The following ADAM10 variants were observed in gnomAD, a reference collection of about 807,000 sequenced individuals.
ADAM10 encodes ADAM metallopeptidase domain 10.
A neutral mutation model predicts 90.1 loss-of-function variants in ADAM10; 17 were observed. The observed-to-expected ratio is 0.19, with a 90% CI of 0.13 to 0.28. The LOEUF is 0.28. ADAM10 is among the 10% of genes least tolerant of loss of function. The probability of loss-of-function intolerance (pLI) is 1.00; values close to 1 mark genes in which losing one functional copy is unlikely to be tolerated. For missense variants in ADAM10, 610 were observed against 914.3 expected (o/e 0.67, Z 4.29); for synonymous variants, 310 against 298.6 (o/e 1.04, Z -0.40).
At chr15:58,740,898 T>C (rs752339860) in intron 1 of ADAM10, among the ~76,000 whole-genome samples, 1 of 152,222 alleles carries the variant, frequency 6.6e-6, no homozygotes, top group Non-Finnish European at 1.5e-5. Flanking sequence ...CTACTAAAAA[T>C]AGATTTTATC....
intron 2 of ADAM10, among the ~76,000 whole-genome samples, chr15:58,688,786 A>ATATATATATCTATCTC: frequency 8.2e-6 from 1 of 122,394 alleles, no homozygotes; most frequent in African/African-American, 3.6e-5. Context: ...ATATATATAT[A>ATATATATATCTATCTC]TCTCTCTCTC....
chr15:58,717,526 T>A, intron 2 of ADAM10, 51 bp downstream of exon 2: 1 of 1,606,004 alleles, frequency 6.2e-7, no homozygotes, highest in Non-Finnish European at 8.5e-7. Flanking sequence ...CTCTTTAACT[T>A]AGATTGAATA....
chr15:58,746,677 A>G (rs1175689313), intron 1 of ADAM10, among the ~76,000 whole-genome samples: 1 of 152,208 alleles, frequency 6.6e-6, no homozygotes, highest in East Asian at 1.9e-4. Context: ...TTGGGAAGCC[A>G]AGGTAGGTGG....
chr15:58,698,406 T>TA (rs56797082), intron 2 of ADAM10: 106,369 of 200,982 alleles, frequency 0.53, 28,188 homozygotes, highest in Admixed American at 0.59. Flanking sequence ...ACCCCATCTC[T>TA]AAAAAAAAAA....
intron 1 of ADAM10, among the ~76,000 whole-genome samples, chr15:58,725,566 T>G (rs1350542136): frequency 1.4e-5 from 2 of 148,136 alleles, no homozygotes; most frequent in Non-Finnish European, 3.0e-5. Context: ...AAAATATAAA[T>G]AAATAAACAA....
intron 14 of ADAM10, among the ~76,000 whole-genome samples, chr15:58,600,838 G>C (rs951117892): frequency 1.3e-5 from 2 of 152,096 alleles, no homozygotes; most frequent in African/African-American, 2.4e-5. Context: ...ACAGGTTACT[G>C]TAACATATAT....
At chr15:58,613,896 A>C (rs1468732351) in intron 11 of ADAM10, among the ~76,000 whole-genome samples, 1 of 152,232 alleles carries the variant, frequency 6.6e-6, no homozygotes, top group Admixed American at 6.5e-5. Context: ...TGGGAGGATC[A>C]CTTGAGCCCA....
At chr15:58,641,848 A>G (rs900350073) in intron 7 of ADAM10, among the ~76,000 whole-genome samples, 1 of 152,150 alleles carries the variant, frequency 6.6e-6, no homozygotes, top group Non-Finnish European at 1.5e-5. Flanking sequence ...TGGCAGTAAG[A>G]GGATGACATA....
At chr15:58,622,043 G>A (rs894137563) in intron 10 of ADAM10, among the ~76,000 whole-genome samples, 1 of 151,532 alleles carries the variant, frequency 6.6e-6, no homozygotes, top group Non-Finnish European at 1.5e-5. Context: ...AAAAGAATAT[G>A]TACAATGAAT....
intron 2 of ADAM10, among the ~76,000 whole-genome samples, chr15:58,687,152 A>G (rs1409610401): frequency 1.3e-5 from 2 of 152,194 alleles, no homozygotes; most frequent in Non-Finnish European, 2.9e-5. Context: ...TAATCAACTG[A>G]TGTCTTGATT....
intron 7 of ADAM10, among the ~76,000 whole-genome samples, chr15:58,643,156 T>C (rs1283449100): frequency 6.6e-6 from 1 of 152,088 alleles, no homozygotes; most frequent in Non-Finnish European, 1.5e-5. Flanking sequence ...AGAAATCTTT[T>C]GAAAAAATAG....
chr15:58,676,933 A>G (rs1344633286), intron 4 of ADAM10, among the ~76,000 whole-genome samples: 1 of 152,222 alleles, frequency 6.6e-6, no homozygotes, highest in Non-Finnish European at 1.5e-5. Flanking sequence ...GCTGCAATAA[A>G]ACATACAGCT....
At chr15:58,648,054 T>G (rs1896597878) in intron 5 of ADAM10, among the ~76,000 whole-genome samples, 1 of 152,216 alleles carries the variant, frequency 6.6e-6, no homozygotes, top group African/African-American at 2.4e-5. Context: ...ATGAAAAATT[T>G]GTATTATATG....
chr15:58,655,710 A>ATATATAGT lies in ADAM10; in HGVS notation c.585+9386_585+9387insACTATATA, dbSNP rs1566982335. ...TATTATATATAGTATATATATATATAGTATATATATATATATATATATATA... is the reference window on the plus strand; with the variant it reads ...TATTATATATAGTATATATATATATATATATAGTGTATATATATATATATATATATATA... On this transcript the variant is annotated intron_variant, in intron 5 of 15. Transcript: ENST00000260408. 6.6e-4 allele frequency among the ~76,000 whole-genome samples: 29 copies of ATATATAGT among 44,204 alleles called. 1 individual carries two copies. In the South Asian group the frequency reaches 0.012, roughly 19 times the overall value. The allele number at this position is 44,204 out of a possible 152,430, so 29.0% of individuals were successfully genotyped here. A position where few individuals can be genotyped will look rare whatever the true frequency, so the allele number is the denominator to read the frequency against.
rs151033552 is a variant in ADAM10, at chr15:58,603,690, A to C, written c.2026-3966T>G. ...CTTCTTCGAATGCTTCCCACCAAAG[A>C]TTTCCAAGATAGACCACTATGTAGG... On this transcript the variant is annotated intron_variant, in intron 14 of 15. Coordinates refer to ENST00000260408, the MANE Select transcript of ADAM10 (RefSeq NM_001110.4). 8.4e-3 allele frequency among the ~76,000 whole-genome samples: 1,280 copies of C among 152,208 alleles called. 18 individuals are homozygous for C. The highest frequency in any genetic ancestry group is 0.029 in the African/African-American group (1,216 of 41,502).
chr15:58,706,377 T>C (rs186548663), intron 2 of ADAM10, among the ~76,000 whole-genome samples: 2 of 152,292 alleles, frequency 1.3e-5, no homozygotes, highest in Admixed American at 1.3e-4. Context: ...GGAGTAACTG[T>C]ACTTAACTAA....
intron 5 of ADAM10, among the ~76,000 whole-genome samples, chr15:58,646,603 C>G (rs947464336): frequency 6.6e-6 from 1 of 152,148 alleles, no homozygotes; most frequent in African/African-American, 2.4e-5. Flanking sequence ...CCACTCTAGC[C>G]CAAGCTACCA....
chr15:58,626,315 A>C (rs1043975656), intron 10 of ADAM10, among the ~76,000 whole-genome samples: 3 of 152,128 alleles, frequency 2.0e-5, no homozygotes, highest in Admixed American at 6.5e-5. Context: ...TGAATCTATT[A>C]ATTATCTCAA....
intron 5 of ADAM10, among the ~76,000 whole-genome samples, chr15:58,661,321 T>A (rs1896961894): frequency 6.6e-6 from 1 of 152,206 alleles, no homozygotes; most frequent in African/African-American, 2.4e-5. Context: ...CTTCCTTTAA[T>A]GTTTCTTACA....
Sources: allele counts gnomAD v4.1 joint callset (sites outside exome capture counted in the v4.1 genomes callset), GRCh38; gene constraint gnomAD v4.1.1; transcripts MANE v1.5; gene names NCBI Gene and HGNC (gene_info 2026-07-23, HGNC 2026-07-21).